CLASP1: variants seen among roughly 807,000 people sequenced by gnomAD.
The protein encoded by CLASP1 is cytoplasmic linker associated protein 1.
A neutral mutation model predicts 192.3 loss-of-function variants in CLASP1; 38 were observed. That is an observed-to-expected ratio of 0.20 (90% CI 0.15 to 0.26). The LOEUF (loss-of-function observed/expected upper bound fraction) is 0.26, where lower values mean the gene tolerates loss of function less well. Among genes scored for constraint, CLASP1 ranks in the 10% least tolerant of loss-of-function variants. CLASP1 has a pLI of 1.00. For synonymous variants in CLASP1, 691 were observed against 712.8 expected (o/e 0.97, Z 0.49); for missense variants, 1,433 against 1,932.5 (o/e 0.74, Z 4.85).
chr2:121,382,312 A>G (rs761902272), exon 33 of CLASP1: 1 of 1,572,010 alleles, frequency 6.4e-7, no homozygotes, highest in South Asian at 1.2e-5. Context: ...CGGCACTCCA[A>G]CCCCATAACC....
chr2:121,435,367 C>T (rs1057459778), intron 19 of CLASP1, among the ~76,000 whole-genome samples: 6 of 152,068 alleles, frequency 3.9e-5, no homozygotes, highest in Admixed American at 2.6e-4. Context: ...CTCTGTGTCC[C>T]GGGTTCAAGT....
chr2:121,539,143 C>T (rs2095169762), intron 2 of CLASP1, among the ~76,000 whole-genome samples: 1 of 152,114 alleles, frequency 6.6e-6, no homozygotes, highest in African/African-American at 2.4e-5. Context: ...TAAACACAAA[C>T]ATATATTTTT....
At chr2:121,343,622 A>C (rs1355161687) in intron 39 of CLASP1, among the ~76,000 whole-genome samples, 1 of 152,218 alleles carries the variant, frequency 6.6e-6, no homozygotes, top group African/African-American at 2.4e-5. Context: ...AGTCAAATTC[A>C]TGGAGACAGA....
At chr2:121,615,463 C>T (rs1338558246) in intron 1 of CLASP1, among the ~76,000 whole-genome samples, 1 of 152,074 alleles carries the variant, frequency 6.6e-6, no homozygotes, top group African/African-American at 2.4e-5. Flanking sequence ...CATTATTATT[C>T]TCATTTTGAA....
chr2:121,410,996 G>T lies in CLASP1; in HGVS notation c.2321-27C>A, dbSNP rs769505386. On this transcript the variant is annotated intron_variant, in intron 23 of 39. Coordinates refer to ENST00000263710, the Ensembl canonical transcript of CLASP1. ...TATTTAAAAAACAAAAGCAAAAGAT[G>T]TGTCACTTTAATTCAAATTATTTCA... 7.1e-6 allele frequency: 10 copies of T among 1,407,614 alleles called. No individual in the cohort carries two copies. In the East Asian group the frequency reaches 2.1e-4, roughly 29 times the overall value. 87.2% of individuals were successfully genotyped at this position (1,407,614 alleles called of 1,614,324 possible).
chr2:121,417,719 G>A (rs768275128), intron 23 of CLASP1, among the ~76,000 whole-genome samples: 22 of 152,206 alleles, frequency 1.4e-4, no homozygotes, highest in Non-Finnish European at 2.8e-4. Context: ...TTTGATTACC[G>A]ACACTGATTA....
intron 8 of CLASP1, among the ~76,000 whole-genome samples, chr2:121,478,876 CCACA>C (rs1559368732): frequency 1.3e-4 from 8 of 62,448 alleles, no homozygotes; most frequent in Admixed American, 8.3e-4. Context: ...ACACACCACA[CCACA>C]CACACACCAC....
At chr2:121,609,173 G>C (rs1393825549) in intron 1 of CLASP1, among the ~76,000 whole-genome samples, 1 of 152,160 alleles carries the variant, frequency 6.6e-6, no homozygotes, top group East Asian at 1.9e-4. Context: ...AAGAGAGCAA[G>C]GTCTCTATTC....
At chr2:121,474,447 A>G (rs1310631127) in intron 8 of CLASP1, among the ~76,000 whole-genome samples, 3 of 152,140 alleles carry the variant, frequency 2.0e-5, no homozygotes, top group East Asian at 1.9e-4. Flanking sequence ...CAAAGAAGGG[A>G]AGGAGGAGGC....
At chr2:121,464,698 G>GT (rs2089113412) in intron 9 of CLASP1, among the ~76,000 whole-genome samples, 1 of 151,966 alleles carries the variant, frequency 6.6e-6, no homozygotes, top group Non-Finnish European at 1.5e-5. Context: ...GGGGTTGTTT[G>GT]TTTTTTTCTT....
intron 8 of CLASP1, among the ~76,000 whole-genome samples, chr2:121,500,344 AAAAGAAAG>A (rs201022141): frequency 0.12 from 14,279 of 119,110 alleles, 903 homozygotes; most frequent in Middle Eastern, 0.17. Flanking sequence ...GAAAGAAAGA[AAAAGAAAG>A]AAAGAAAGAA....
At chr2:121,494,469 G>C (rs1188732348) in intron 8 of CLASP1, among the ~76,000 whole-genome samples, 2 of 152,090 alleles carry the variant, frequency 1.3e-5, no homozygotes, top group Non-Finnish European at 2.9e-5. Flanking sequence ...GTGGTGGTGG[G>C]GAAGGGAGTG....
At chr2:121,590,456 T>C (rs1013878793) in intron 2 of CLASP1, among the ~76,000 whole-genome samples, 1 of 152,240 alleles carries the variant, frequency 6.6e-6, no homozygotes, top group African/African-American at 2.4e-5. Flanking sequence ...TTATAAGTGA[T>C]ATAACTTACT....
intron 2 of CLASP1, among the ~76,000 whole-genome samples, chr2:121,549,907 G>A (rs2057864336): frequency 6.6e-6 from 1 of 150,992 alleles, no homozygotes; most frequent in Admixed American, 6.6e-5. Flanking sequence ...TCAGGAGGCT[G>A]AGGCAGGAGA....
intron 2 of CLASP1, among the ~76,000 whole-genome samples, chr2:121,603,642 G>C (rs1452961219): frequency 6.6e-6 from 1 of 152,162 alleles, no homozygotes; most frequent in Non-Finnish European, 1.5e-5. Context: ...GTTCACTGCA[G>C]CACTATTCAC....
intron 2 of CLASP1, among the ~76,000 whole-genome samples, chr2:121,556,434 T>C (rs1453441093): frequency 1.3e-5 from 2 of 152,156 alleles, no homozygotes; most frequent in East Asian, 1.9e-4. Context: ...TGAGCTTATC[T>C]AGTGGTCCTG....
chr2:121,401,477 C>T, intron 28 of CLASP1, 32 bp downstream of exon 29: 2 of 1,568,648 alleles, frequency 1.3e-6, no homozygotes, highest in Non-Finnish European at 1.7e-6. Context: ...TATCCTGTAA[C>T]ATCAAAATGG....
intron 2 of CLASP1, among the ~76,000 whole-genome samples, chr2:121,591,837 ATT>A (rs2105754881): frequency 6.6e-6 from 1 of 152,202 alleles, no homozygotes; most frequent in African/African-American, 2.4e-5. Flanking sequence ...AACCACACCT[ATT>A]TGTTCCATAA....
At chr2:121,517,858 C>T (rs995029029) in intron 6 of CLASP1, among the ~76,000 whole-genome samples, 180 of 30,810 alleles carry the variant, frequency 5.8e-3, no homozygotes, top group African/African-American at 0.024. Flanking sequence ...AAGACTCAAG[C>T]TTTTTTTTTT....
Sources: gnomAD v4.1 joint callset for allele counts (sites outside exome capture counted in the v4.1 genomes callset) on GRCh38, gnomAD v4.1.1 for gene constraint, MANE v1.5 for transcripts, NCBI Gene and HGNC (gene_info 2026-07-23, HGNC 2026-07-21) for gene names.